The following SPOCK1 variants were observed in gnomAD, a reference collection of about 807,000 sequenced individuals.
SPOCK1 encodes testican-1.
Under a neutral mutation model 55.3 loss-of-function variants are expected in SPOCK1, and 23 were observed. The observed-to-expected ratio is 0.42, with a 90% CI of 0.30 to 0.59. SPOCK1 has a LOEUF of 0.59. Ranked by LOEUF, SPOCK1 falls within the 20% of genes least tolerant of loss-of-function variation. SPOCK1 has a pLI of 0.22. For synonymous variants in SPOCK1, 226 were observed against 221.0 expected, an observed-to-expected ratio of 1.02 and a Z score of -0.20; for missense variants, 499 against 552.5, an observed-to-expected ratio of 0.90 and a Z score of 0.97.
chr5:137,349,664 G>A (rs977020461), intron 2 of SPOCK1, among the ~76,000 whole-genome samples: 2 of 152,186 alleles, frequency 1.3e-5, no homozygotes, highest in African/African-American at 4.8e-5. Flanking sequence ...CACTCTCCTG[G>A]CTTCTAGTGG....
intron 2 of SPOCK1, among the ~76,000 whole-genome samples, chr5:137,460,195 C>A (rs909751359): frequency 6.6e-6 from 1 of 152,098 alleles, no homozygotes; most frequent in African/African-American, 2.4e-5. Context: ...GTGGGATGGT[C>A]AGAGTGGTGT....
intron 5 of SPOCK1, among the ~76,000 whole-genome samples, chr5:137,079,827 C>A (rs960431119): frequency 6.6e-6 from 1 of 152,126 alleles, no homozygotes; most frequent in African/African-American, 2.4e-5. Flanking sequence ...CTGGACATGA[C>A]CCTGACCACT....
chr5:137,481,954 G>C (rs1561547106), intron 2 of SPOCK1, among the ~76,000 whole-genome samples: 1 of 151,914 alleles, frequency 6.6e-6, no homozygotes, highest in Non-Finnish European at 1.5e-5. Context: ...AATATTTAAA[G>C]GGAAAGGGGC....
chr5:137,153,821 G>A (rs1754362407), intron 3 of SPOCK1, among the ~76,000 whole-genome samples: 1 of 151,628 alleles, frequency 6.6e-6, no homozygotes, highest in Non-Finnish European at 1.5e-5. Context: ...TCACACCACT[G>A]CACTCCAGCC....
intron 9 of SPOCK1, among the ~76,000 whole-genome samples, chr5:136,981,189 T>C (rs1206655685): frequency 3.9e-5 from 6 of 152,318 alleles, no homozygotes; most frequent in African/African-American, 1.4e-4. Context: ...CTAATTCTGG[T>C]ATATACTAAA....
chr5:137,419,135 G>C (rs2149824868), intron 2 of SPOCK1, among the ~76,000 whole-genome samples: 1 of 152,198 alleles, frequency 6.6e-6, no homozygotes, highest in African/African-American at 2.4e-5. Flanking sequence ...ATTTCTGACG[G>C]CTCTGTTCTG....
chr5:137,133,655 G>C (rs1406112030), intron 4 of SPOCK1, among the ~76,000 whole-genome samples: 3 of 152,028 alleles, frequency 2.0e-5, no homozygotes, highest in Non-Finnish European at 4.4e-5. Context: ...CAAACAGCTA[G>C]GTCCTTAACC....
At chr5:137,407,794 A>G (rs1479563635) in intron 2 of SPOCK1, among the ~76,000 whole-genome samples, 2 of 152,228 alleles carry the variant, frequency 1.3e-5, no homozygotes, top group Non-Finnish European at 2.9e-5. Context: ...GCAGAGCCAT[A>G]GAGACAGAGA....
intron 6 of SPOCK1, among the ~76,000 whole-genome samples, chr5:136,995,108 G>A (rs1014482533): frequency 1.5e-4 from 23 of 152,178 alleles, no homozygotes; most frequent in African/African-American, 4.3e-4. Flanking sequence ...CAGCACAGAC[G>A]CAGAATCTTC....
At chr5:137,357,982 T>C (rs779780836) in intron 2 of SPOCK1, among the ~76,000 whole-genome samples, 31 of 151,764 alleles carry the variant, frequency 2.0e-4, no homozygotes, top group Non-Finnish European at 3.5e-4. Flanking sequence ...GAGACACAAA[T>C]GAGAAAAAAA....
chr5:137,194,779 G>A (rs1174671078), intron 3 of SPOCK1, among the ~76,000 whole-genome samples: 3 of 152,058 alleles, frequency 2.0e-5, no homozygotes, highest in African/African-American at 4.8e-5. Context: ...TCCTCTCCAG[G>A]TCCACGAAGA....
At chr5:137,135,921 A>G (rs1431127992) in intron 4 of SPOCK1, among the ~76,000 whole-genome samples, 2 of 152,188 alleles carry the variant, frequency 1.3e-5, no homozygotes, top group African/African-American at 4.8e-5. Context: ...CACAGTTTTT[A>G]TCCATCACAC....
intron 5 of SPOCK1, among the ~76,000 whole-genome samples, chr5:137,105,038 GACTCTT>G (rs1411901988): frequency 6.6e-6 from 1 of 152,128 alleles, no homozygotes; most frequent in Non-Finnish European, 1.5e-5. Flanking sequence ...ATCTGCACAA[GACTCTT>G]TTCCCCACTA....
chr5:137,352,485 C>T (rs1750704050), intron 2 of SPOCK1, among the ~76,000 whole-genome samples: 1 of 152,162 alleles, frequency 6.6e-6, no homozygotes, highest in Admixed American at 6.5e-5. Context: ...ATCTTTTTCA[C>T]CAAGTTGTTA....
At chr5:137,432,484 A>C (rs1752769072) in intron 2 of SPOCK1, among the ~76,000 whole-genome samples, 1 of 152,250 alleles carries the variant, frequency 6.6e-6, no homozygotes, top group Non-Finnish European at 1.5e-5. Context: ...CATTATGCTA[A>C]GTGAAATAAG....
chr5:137,367,565 G>A (rs1234224014), intron 2 of SPOCK1, among the ~76,000 whole-genome samples: 1 of 152,194 alleles, frequency 6.6e-6, no homozygotes, highest in Non-Finnish European at 1.5e-5. Context: ...AAGCAGGCAT[G>A]CAGTGAATAA....
chr5:137,110,448 C>T (rs1753447103), intron 5 of SPOCK1, among the ~76,000 whole-genome samples: 1 of 152,148 alleles, frequency 6.6e-6, no homozygotes, highest in African/African-American at 2.4e-5. Context: ...GGATCTGGGC[C>T]TTAAGTGAAA....
intron 2 of SPOCK1, among the ~76,000 whole-genome samples, chr5:137,432,030 C>T (rs771708582): frequency 6.6e-6 from 1 of 152,066 alleles, no homozygotes; most frequent in Non-Finnish European, 1.5e-5. Flanking sequence ...TAAGTAAATG[C>T]AAATCAAAAC....
At chr5:136,996,158 G>A (rs1202486769) in intron 6 of SPOCK1, among the ~76,000 whole-genome samples, 3 of 152,312 alleles carry the variant, frequency 2.0e-5, no homozygotes, top group South Asian at 2.1e-4. Flanking sequence ...GTGAACAGGG[G>A]ACTGAAGCTT....
Sources: allele counts gnomAD v4.1 joint callset (sites outside exome capture counted in the v4.1 genomes callset), GRCh38; gene constraint gnomAD v4.1.1; transcripts MANE v1.5; gene names NCBI Gene and HGNC (gene_info 2026-07-23, HGNC 2026-07-21).